The following LRRTM4 variants were observed in gnomAD, a reference collection of about 807,000 sequenced individuals.
LRRTM4 encodes leucine rich repeat transmembrane neuronal 4.
LRRTM4 carries 25 observed loss-of-function variants against 47.6 expected under a neutral mutation model. The observed-to-expected ratio is 0.53, with a 90% confidence interval of 0.38 to 0.73. The LOEUF is 0.73. Ranked by LOEUF, LRRTM4 falls within the 30% of genes least tolerant of loss-of-function variation. The pLI, the probability that LRRTM4 is intolerant of heterozygous loss-of-function variation, is 0.00. For missense variants in LRRTM4, 638 were observed against 713.4 expected (o/e 0.89, Z 1.20); for synonymous variants, 311 against 269.5 (o/e 1.15, Z -1.51).
chr2:77,038,199 T>C (rs1392191588), intron 3 of LRRTM4, among the ~76,000 whole-genome samples: 1 of 151,616 alleles, frequency 6.6e-6, no homozygotes, highest in Non-Finnish European at 1.5e-5. Flanking sequence ...ACTATGGTTT[T>C]CATTTATTCT....
chr2:77,456,988 GTGTA>G (rs1211623664), intron 3 of LRRTM4, among the ~76,000 whole-genome samples: 2 of 66,000 alleles, frequency 3.0e-5, no homozygotes, highest in South Asian at 5.2e-4. Context: ...GTATATATTA[GTGTA>G]TGTGTGTGTG....
At chr2:77,432,313 G>A (rs1675412641) in intron 3 of LRRTM4, among the ~76,000 whole-genome samples, 2 of 152,100 alleles carry the variant, frequency 1.3e-5, no homozygotes, top group Non-Finnish European at 2.9e-5. Context: ...GTCTCCCTCA[G>A]GATCCCTCAC....
chr2:77,117,798 A>C (rs1194523987), intron 3 of LRRTM4, among the ~76,000 whole-genome samples: 1 of 151,880 alleles, frequency 6.6e-6, no homozygotes, highest in East Asian at 1.9e-4. Context: ...AGACATCCTA[A>C]AAACATTTAT....
At chr2:76,873,248 A>G (rs1228308551) in intron 3 of LRRTM4, among the ~76,000 whole-genome samples, 1 of 152,002 alleles carries the variant, frequency 6.6e-6, no homozygotes, top group Non-Finnish European at 1.5e-5. Flanking sequence ...CAAAAATTTT[A>G]AAGACAAGAG....
intron 3 of LRRTM4, among the ~76,000 whole-genome samples, chr2:76,984,066 C>G (rs1676707202): frequency 6.6e-6 from 1 of 151,828 alleles, no homozygotes; most frequent in African/African-American, 2.4e-5. Flanking sequence ...ACATGGTTAC[C>G]TAAACAATGA....
intron 3 of LRRTM4, among the ~76,000 whole-genome samples, chr2:76,840,370 A>G (rs536012210): frequency 1.7e-4 from 26 of 152,336 alleles, no homozygotes; most frequent in African/African-American, 6.3e-4. Flanking sequence ...TGAGAGCAAT[A>G]ACAGAGCTGT....
intron 3 of LRRTM4, among the ~76,000 whole-genome samples, chr2:76,897,000 T>C (rs1187043482): frequency 6.6e-6 from 1 of 151,898 alleles, no homozygotes. Context: ...AATTTGGGAA[T>C]GAGAATATTC....
chr2:77,087,169 A>G (rs528893955), intron 3 of LRRTM4, among the ~76,000 whole-genome samples: 1 of 152,360 alleles, frequency 6.6e-6, no homozygotes, highest in Non-Finnish European at 1.5e-5. Context: ...TAGACAGGAA[A>G]CAACCTCACA....
intron 3 of LRRTM4, among the ~76,000 whole-genome samples, chr2:76,986,544 C>T (rs1676803534): frequency 6.6e-6 from 1 of 151,834 alleles, no homozygotes; most frequent in South Asian, 2.1e-4. Flanking sequence ...ACTAATGTGG[C>T]TAATCTGAAC....
intron 3 of LRRTM4, among the ~76,000 whole-genome samples, chr2:77,254,471 A>G (rs1397604768): frequency 6.6e-6 from 1 of 151,984 alleles, no homozygotes; most frequent in East Asian, 1.9e-4. Context: ...TAAAGGAACA[A>G]ACCTTGGAAT....
At chr2:76,809,490 T>G (rs1670664036) in intron 3 of LRRTM4, among the ~76,000 whole-genome samples, 1 of 152,058 alleles carries the variant, frequency 6.6e-6, no homozygotes, top group Admixed American at 6.6e-5. Flanking sequence ...TCCTAGTAAC[T>G]TTACTGGGGG....
chr2:77,346,606 T>G (rs1573289467), intron 3 of LRRTM4, among the ~76,000 whole-genome samples: 1 of 152,110 alleles, frequency 6.6e-6, no homozygotes, highest in East Asian at 1.9e-4. Context: ...TTTCAAAAAT[T>G]TGTAGAACTC....
chr2:76,798,134 C>G (rs953550303), intron 3 of LRRTM4, among the ~76,000 whole-genome samples: 2 of 152,112 alleles, frequency 1.3e-5, no homozygotes, highest in Non-Finnish European at 2.9e-5. Flanking sequence ...CACACCAAAT[C>G]AACACAATAT....
chr2:76,848,610 ATTAT>A (rs768034953), intron 3 of LRRTM4, among the ~76,000 whole-genome samples: 1 of 152,060 alleles, frequency 6.6e-6, no homozygotes, highest in Non-Finnish European at 1.5e-5. Flanking sequence ...CCAGTTCATT[ATTAT>A]TTTAGAATTT....
intron 3 of LRRTM4, among the ~76,000 whole-genome samples, chr2:77,087,327 A>T (rs977967352): frequency 6.6e-6 from 1 of 152,254 alleles, no homozygotes; most frequent in African/African-American, 2.4e-5. Context: ...CTAGTCCTAG[A>T]ATCTGGTAGA....
At chr2:77,208,079 A>G (rs990878284) in intron 3 of LRRTM4, among the ~76,000 whole-genome samples, 36 of 151,848 alleles carry the variant, frequency 2.4e-4, no homozygotes, top group African/African-American at 8.5e-4. Context: ...GGGTTTCACC[A>G]TGTTGGCCAG....
chr2:76,878,959 G>A (rs1672852812), intron 3 of LRRTM4, among the ~76,000 whole-genome samples: 1 of 152,144 alleles, frequency 6.6e-6, no homozygotes, highest in African/African-American at 2.4e-5. Context: ...AGTCAGAACA[G>A]TCCCAGCAAG....
chr2:77,358,830 T>C (rs865829806), intron 3 of LRRTM4, among the ~76,000 whole-genome samples: 25 of 152,176 alleles, frequency 1.6e-4, no homozygotes, highest in African/African-American at 5.1e-4. Context: ...ATTTAGTACA[T>C]ACTTTATATT....
At chr2:76,777,258 A>G (rs1472801019) in intron 3 of LRRTM4, among the ~76,000 whole-genome samples, 1 of 148,748 alleles carries the variant, frequency 6.7e-6, no homozygotes, top group East Asian at 2.1e-4. Flanking sequence ...TTTTGGTTCC[A>G]TATGAACTTT....
Sources: gnomAD v4.1 joint callset for allele counts (sites outside exome capture counted in the v4.1 genomes callset) on GRCh38, gnomAD v4.1.1 for gene constraint, MANE v1.5 for transcripts, NCBI Gene and HGNC (gene_info 2026-07-23, HGNC 2026-07-21) for gene names.